The following ASTN2 variants were observed in gnomAD, a reference collection of about 807,000 sequenced individuals.
ASTN2 encodes the protein astrotactin 2.
Under a neutral mutation model 139.8 loss-of-function variants are expected in ASTN2, and 54 were observed. That is an observed-to-expected ratio of 0.39 (90% CI 0.31 to 0.48). The LOEUF (loss-of-function observed/expected upper bound fraction) is 0.48. ASTN2 is among the 20% of genes least tolerant of loss of function. The pLI, the probability that ASTN2 is intolerant of heterozygous loss-of-function variation, is 0.95. For missense variants in ASTN2, 1,565 were observed against 1,725.1 expected (o/e 0.91, Z 1.64); for synonymous variants, 756 against 719.5 (o/e 1.05, Z -0.81).
chr9:116,963,552 G>C (rs1309790871), intron 10 of ASTN2, among the ~76,000 whole-genome samples: 1 of 152,216 alleles, frequency 6.6e-6, no homozygotes, highest in African/African-American at 2.4e-5. Context: ...GATGTGCACA[G>C]AGTGTGGTGG....
intron 10 of ASTN2, among the ~76,000 whole-genome samples, chr9:116,974,506 C>CTT (rs3038410): frequency 0.22 from 23,980 of 110,768 alleles, 3,406 homozygotes; most frequent in Admixed American, 0.29. Flanking sequence ...TTAGCCTGGA[C>CTT]TTTTTTTTTT....
chr9:117,395,426 A>C (rs1449494200), intron 1 of ASTN2, among the ~76,000 whole-genome samples: 1 of 152,148 alleles, frequency 6.6e-6, no homozygotes, highest in Non-Finnish European at 1.5e-5. Context: ...ACATCCCCAA[A>C]ATAGGTTTTG....
chr9:116,557,117 G>A (rs924001748), intron 19 of ASTN2, among the ~76,000 whole-genome samples: 4 of 150,796 alleles, frequency 2.7e-5, no homozygotes, highest in Non-Finnish European at 5.9e-5. Context: ...CCAGCTACTC[G>A]GGAGGCTGAG....
At chr9:116,504,998 C>T (rs1850048196) in intron 19 of ASTN2, among the ~76,000 whole-genome samples, 1 of 151,710 alleles carries the variant, frequency 6.6e-6, no homozygotes, top group Non-Finnish European at 1.5e-5. Context: ...GAGAGATCCA[C>T]TAACTTGCCT....
chr9:116,814,149 T>C (rs1030588983), intron 12 of ASTN2, among the ~76,000 whole-genome samples: 3 of 152,026 alleles, frequency 2.0e-5, no homozygotes, highest in African/African-American at 7.3e-5. Context: ...CTAAGTATCC[T>C]ATTACTAAGG....
intron 10 of ASTN2, among the ~76,000 whole-genome samples, chr9:116,890,178 T>C (rs1326054486): frequency 6.6e-6 from 1 of 152,184 alleles, no homozygotes; most frequent in Non-Finnish European, 1.5e-5. Context: ...CGCCTGGTAT[T>C]GGAGAGCCTG....
At chr9:117,133,369 G>A (rs1233890091) in intron 4 of ASTN2, among the ~76,000 whole-genome samples, 2 of 152,136 alleles carry the variant, frequency 1.3e-5, no homozygotes, top group Non-Finnish European at 2.9e-5. Context: ...TCCCAAAGTT[G>A]AGCCAGTCAG....
chr9:117,009,961 T>C (rs1197523583), intron 6 of ASTN2, among the ~76,000 whole-genome samples: 5 of 152,146 alleles, frequency 3.3e-5, no homozygotes, highest in Admixed American at 2.6e-4. Flanking sequence ...AAGGGTATGA[T>C]TGGCAATGAT....
At chr9:116,957,911 C>T (rs1835761473) in intron 10 of ASTN2, among the ~76,000 whole-genome samples, 1 of 152,190 alleles carries the variant, frequency 6.6e-6, no homozygotes, top group Non-Finnish European at 1.5e-5. Flanking sequence ...GATCTCCTGA[C>T]CTCGTGATCC....
intron 16 of ASTN2, among the ~76,000 whole-genome samples, chr9:116,677,605 C>A (rs1158752978): frequency 1.3e-5 from 2 of 152,146 alleles, no homozygotes; most frequent in Non-Finnish European, 2.9e-5. Flanking sequence ...ACCCCCACCC[C>A]CCACTGGAAG....
At chr9:116,529,515 G>C (rs986348343) in intron 19 of ASTN2, among the ~76,000 whole-genome samples, 3 of 152,096 alleles carry the variant, frequency 2.0e-5, no homozygotes, top group African/African-American at 7.2e-5. Flanking sequence ...TTGGAATTTG[G>C]GGTTAATGCT....
At chr9:117,088,573 C>T (rs368430806) in intron 5 of ASTN2, among the ~76,000 whole-genome samples, 30 of 152,262 alleles carry the variant, frequency 2.0e-4, no homozygotes, top group East Asian at 1.2e-3. Flanking sequence ...TACCTTAGTA[C>T]GAAGTTTTGC....
intron 7 of ASTN2, among the ~76,000 whole-genome samples, chr9:116,979,750 G>A (rs1318808877): frequency 6.6e-6 from 1 of 152,090 alleles, no homozygotes; most frequent in East Asian, 1.9e-4. Flanking sequence ...TGGATGAGGA[G>A]GGGCCAACAA....
At chr9:116,643,259 T>C (rs887904386) in intron 17 of ASTN2, among the ~76,000 whole-genome samples, 3 of 152,196 alleles carry the variant, frequency 2.0e-5, no homozygotes, top group Non-Finnish European at 4.4e-5. Flanking sequence ...GCACATAGTA[T>C]TGACACATTT....
At chr9:117,333,338 G>T (rs1452684637) in intron 1 of ASTN2, among the ~76,000 whole-genome samples, 3 of 152,032 alleles carry the variant, frequency 2.0e-5, no homozygotes, top group Non-Finnish European at 4.4e-5. Context: ...GAAAAATAAT[G>T]TGTTCTCTTG....
rs10983252 is a variant in ASTN2, at chr9:116,587,617, G to C, written c.3355+30707C>G. On this transcript the variant is annotated intron_variant, in intron 19 of 22. Transcript: ENST00000313400. Reference sequence around the variant, plus strand: ...CTTGCTGTGATTACTCCAAATCCTTGTAGAGTAACTGGTTGACAGCAGGAG... The same window carrying C: ...CTTGCTGTGATTACTCCAAATCCTTCTAGAGTAACTGGTTGACAGCAGGAG... 0.019 allele frequency among the ~76,000 whole-genome samples: 2,872 copies of C among 152,220 alleles called. 393 individuals carry two copies. In the South Asian group the frequency reaches 0.3, roughly 16 times the overall value.
chr9:117,363,534 T>C (rs1829751039), intron 1 of ASTN2, among the ~76,000 whole-genome samples: 1 of 152,088 alleles, frequency 6.6e-6, no homozygotes, highest in South Asian at 2.1e-4. Flanking sequence ...CAAGCACCCG[T>C]GATTGCAGTA....
At chr9:117,399,115 A>C (rs917758667) in intron 1 of ASTN2, among the ~76,000 whole-genome samples, 2 of 152,216 alleles carry the variant, frequency 1.3e-5, no homozygotes, top group South Asian at 2.1e-4. Context: ...GAAATACAAT[A>C]AACACACGTG....
chr9:117,129,018 G>A (rs917782165), intron 4 of ASTN2, among the ~76,000 whole-genome samples: 3 of 152,110 alleles, frequency 2.0e-5, no homozygotes, highest in Non-Finnish European at 4.4e-5. Flanking sequence ...GGAAATCACG[G>A]GAGTACAATT....
Sources: gnomAD v4.1 joint callset for allele counts (sites outside exome capture counted in the v4.1 genomes callset) on GRCh38, gnomAD v4.1.1 for gene constraint, MANE v1.5 for transcripts, NCBI Gene and HGNC (gene_info 2026-07-23, HGNC 2026-07-21) for gene names.